ULK1: variants seen among roughly 807,000 people sequenced by gnomAD.
ULK1 encodes unc-51 like autophagy activating kinase 1.
Under a neutral mutation model 117.5 loss-of-function variants are expected in ULK1, and 48 were observed. The ratio of observed to expected loss-of-function variants is 0.41; its 90% CI spans 0.32 to 0.52. ULK1 has a LOEUF of 0.52. ULK1 is among the 20% of genes least tolerant of loss of function. ULK1 has a pLI of 0.29. For synonymous variants in ULK1, 790 were observed against 637.8 expected (o/e 1.24, Z -3.60); for missense variants, 1,387 against 1,473.4 (o/e 0.94, Z 0.96).
chr12:131,904,946 G>C (rs1314799330), intron 3 of ULK1, among the ~76,000 whole-genome samples: 1 of 152,164 alleles, frequency 6.6e-6, no homozygotes, highest in African/African-American at 2.4e-5. Context: ...CCTGTGCTCT[G>C]TGGATTGTTT....
At position 131,910,250 on chromosome 12, in the gene ULK1, G is replaced by T. The variant is rs754750757; in HGVS notation, c.809-4G>T. ...TGAGGCCTCACTCCTCCTTCCTCCT[G>T]CAGATGAGTTTTTTCATCACCCTTT... On this transcript the variant is annotated splice_polypyrimidine_tract_variant and splice_region_variant and intron_variant, in intron 10 of 27. Transcript: ENST00000321867. The T allele has an allele frequency of 2.5e-6, 4 of 1,613,556 alleles. No individual in the cohort carries two copies. Among genetic ancestry groups the T allele is most frequent in the Middle Eastern group, 1.6e-4 (1 of 6,084 alleles).
intron 25 of ULK1, 162 bp downstream of exon 25, chr12:131,919,752 G>T: frequency 9.7e-7 from 1 of 1,031,334 alleles, no homozygotes; most frequent in Non-Finnish European, 1.4e-6. Context: ...AGAGGCCATT[G>T]GGTCGGACAG....
At chr12:131,907,274 G>T (rs575196187) in intron 4 of ULK1, among the ~76,000 whole-genome samples, 1 of 152,338 alleles carries the variant, frequency 6.6e-6, no homozygotes, top group Non-Finnish European at 1.5e-5. Flanking sequence ...GCCCACCTTG[G>T]CCTCCCAAAG....
Position 131,913,226 on chromosome 12 carries a change from CA to C in ULK1, c.1128del (p.Lys376AsnfsTer7). On this transcript the variant is annotated frameshift_variant, in exon 14 of 28. Transcript: ENST00000321867. LOFTEE classifies it high-confidence loss of function. Reference sequence around the variant, plus strand: ...ACCTGGTGGCTGAGGCGCCCAGTGCCAAACCCCCGCCAGACAGCCTGATGTG... The same window carrying C: ...ACCTGGTGGCTGAGGCGCCCAGTGCCAACCCCCGCCAGACAGCCTGATGTG... ...GDLVAEAPSAKPPPDSLMCSG... is the reference protein window; with the variant it reads ...GDLVAEAPSAXPPPDSLMCSG... The C allele has an allele frequency of 6.3e-7, 1 of 1,591,782 alleles. No homozygotes were observed.
chr12:131,915,762 C>A, intron 18 of ULK1, 129 bp from the exon 19 acceptor site: 1 of 1,295,580 alleles, frequency 7.7e-7, no homozygotes, highest in Non-Finnish European at 1.1e-6. Context: ...GGGCGAGACC[C>A]CGTCTCAACA....
chr12:131,913,264 C>T lies in ULK1; in HGVS notation c.1157+6C>T. ...GACAGCCTGATGTGCAGTGGGTGAGCCCCCATCCCTTACCTCTGTATTTTA... is the reference window on the plus strand; with the variant it reads ...GACAGCCTGATGTGCAGTGGGTGAGTCCCCATCCCTTACCTCTGTATTTTA... On this transcript the variant is annotated splice_donor_region_variant and intron_variant, in intron 14 of 27. Coordinates refer to ENST00000321867, the MANE Select transcript of ULK1 (RefSeq NM_003565.4). 1 of 1,566,930 alleles carries T rather than the reference C, an allele frequency of 6.4e-7. No homozygotes were observed.
chr12:131,914,308 G>T (rs1889675634), intron 15 of ULK1, 44 bp from the exon 16 acceptor site: 1 of 1,596,408 alleles, frequency 6.3e-7, no homozygotes. Flanking sequence ...TCAGCCTCTT[G>T]TGACCCCAGT....
rs1484975114 is a variant in ULK1, at chr12:131,895,812, G to C, written c.234G>C (p.Leu78=). The change falls in exon 3 of 28, where the codon CTG becomes CTC. Residue 78 remains leucine, a synonymous_variant. Coordinates refer to ENST00000321867, the MANE Select transcript of ULK1 (RefSeq NM_003565.4). ...KELKHENIVA[L]YDFQEMANSV... ...TGAAACATGAAAACATCGTGGCCCT[G>C]TACGACTTCCAGGTAAGGCCTCTGG... 3.7e-6 allele frequency: 6 copies of C among 1,614,066 alleles called. No homozygotes were observed. The East Asian group carries it at 1.3e-4, about 36-fold the overall frequency.
intron 3 of ULK1, among the ~76,000 whole-genome samples, chr12:131,905,077 G>A (rs960909819): frequency 6.6e-6 from 1 of 152,160 alleles, no homozygotes; most frequent in African/African-American, 2.4e-5. Flanking sequence ...CTGCCTCATG[G>A]ATAGGTCCCA....
chr12:131,922,705 A>C lies in ULK1; in HGVS notation c.*1344A>C, dbSNP rs1050541630. 1 of 152,618 alleles carries C rather than the reference A, an allele frequency of 6.6e-6. No homozygotes were observed. Among genetic ancestry groups the C allele is most frequent in the African/African-American group, 2.4e-5 (1 of 41,478 alleles). The allele number at this position is 152,618 out of a possible 1,614,324, so 9.5% of individuals were successfully genotyped here. A position where few individuals can be genotyped will look rare whatever the true frequency, so the allele number is the denominator to read the frequency against. The stretch of plus-strand genomic sequence containing the variant: ...GAGGCAGTGGTGGGGCCATGGACCC[A>C]TGCGGGGGGTTCCAGGGTCACACGC... On this transcript the variant is annotated 3_prime_UTR_variant, in exon 28 of 28. Transcript: ENST00000321867.
rs755896362 is a variant in ULK1 at position 131,915,859 on chromosome 12, G to A, written c.1610-32G>A. ...GGGCCTAGGGCTGGGCCGCCGGACC[G>A]GAAGGTCGTGACGAGGCGTGTCTCT... is the stretch of plus-strand genomic sequence containing the variant. On this transcript the variant is annotated intron_variant, in intron 18 of 27. Transcript: ENST00000321867. The A allele has an allele frequency of 2.2e-5, 35 of 1,604,110 alleles. No individual in the cohort carries two copies. The East Asian group carries it at 4.2e-4, about 19-fold the overall frequency.
In ULK1 at chr12:131,909,772, C is replaced by T; in HGVS notation, c.667-3C>T. The T allele has an allele frequency of 6.2e-7, 1 of 1,604,702 alleles. No individual in the cohort carries two copies. Among genetic ancestry groups the T allele is most frequent in the South Asian group, 1.1e-5 (1 of 89,976 alleles). On this transcript the variant is annotated splice_polypyrimidine_tract_variant and splice_region_variant and intron_variant, in intron 8 of 27. Transcript: ENST00000321867. ...GGCAGTCAGGCTGTCCCCGTCCCCG[C>T]AGGCCAGCAGCCCCCAGGACCTGCG... is the stretch of plus-strand genomic sequence containing the variant.
intron 5 of ULK1, among the ~76,000 whole-genome samples, 196 bp from the exon 6 acceptor site, chr12:131,908,448 C>G (rs1229623550): frequency 1.3e-5 from 2 of 151,408 alleles, no homozygotes; most frequent in East Asian, 2.0e-4. Flanking sequence ...GCGCCGGGCT[C>G]TGCGCAGGAG....
At position 131,918,383 on chromosome 12, in the gene ULK1, G is replaced by A. The variant is rs1195136783; in HGVS notation, c.2327-114G>A. 4.6e-6 allele frequency: 6 copies of A among 1,307,370 alleles called. No homozygotes were observed. The Admixed American group carries it at 1.1e-4, about 25-fold the overall frequency. The allele number at this position is 1,307,370 out of a possible 1,614,324, so 81.0% of individuals were successfully genotyped here. The stretch of plus-strand genomic sequence containing the variant: ...GTTGGAGCATTGGGATATAACAGGT[G>A]TAAACCGAGGCAGAGGCACATTGGG... On this transcript the variant is annotated intron_variant, in intron 22 of 27. Coordinates refer to ENST00000321867, the MANE Select transcript of ULK1 (RefSeq NM_003565.4).
chr12:131,900,313 G>A (rs1889036759), intron 3 of ULK1, among the ~76,000 whole-genome samples: 1 of 152,156 alleles, frequency 6.6e-6, no homozygotes, highest in Non-Finnish European at 1.5e-5. Context: ...TGACTGTTGA[G>A]GTTGTTATTT....
chr12:131,918,579 T>G lies in ULK1; in HGVS notation c.2409T>G (p.Pro803=). Residue 803 remains proline (P), a synonymous_variant, in exon 23 of 28, where the codon CCT becomes CCG. Coordinates refer to ENST00000321867, the MANE Select transcript of ULK1 (RefSeq NM_003565.4). ...PCSEAPAPEL[P]APGHGCSFAD... is the part of the protein sequence containing the mutation. ...GCGAGGCCCCAGCCCCTGAGCTCCC[T>G]GCTCCAGGACACGGCTGCAGCTTTG... 1 of 1,610,914 alleles carries G rather than the reference T, an allele frequency of 6.2e-7. No homozygotes were observed. The highest frequency in any genetic ancestry group is 8.5e-7 in the Non-Finnish European group (1 of 1,179,006).
rs1180222470 is a variant in ULK1, at chr12:131,903,997, G to GT, written c.247-2894dup. Reference sequence around the variant, plus strand: ...GGGTTCCAGCACCCATGAGGCCAGTGTGGCTGGAGGGATGGCAGGGCCAGG... The same window carrying GT: ...GGGTTCCAGCACCCATGAGGCCAGTGTTGGCTGGAGGGATGGCAGGGCCAGG... On this transcript the variant is annotated intron_variant, in intron 3 of 27. Transcript: ENST00000321867. The surrounding 1 kb of genome is among the most constrained non-coding windows in gnomAD (Gnocchi z 6.0). Among the ~76,000 whole-genome samples, 1 of 152,102 alleles carries GT rather than the reference G, an allele frequency of 6.6e-6. No individual in the cohort carries two copies. The highest frequency in any genetic ancestry group is 6.5e-5 in the Admixed American group (1 of 15,270).
At chr12:131,906,368 T>A (rs971786707) in intron 3 of ULK1, 1 of 157,250 alleles carries the variant, frequency 6.4e-6, no homozygotes, top group Non-Finnish European at 1.4e-5. Flanking sequence ...GGATTACAGG[T>A]GTGAGCCACT....
chr12:131,906,305 G>A (rs765149661), intron 3 of ULK1, among the ~76,000 whole-genome samples: 5 of 152,132 alleles, frequency 3.3e-5, no homozygotes, highest in Non-Finnish European at 5.9e-5. Context: ...TGGTCAGGCT[G>A]GTCTCGAACT....
Sources: gnomAD v4.1 joint callset for allele counts (sites outside exome capture counted in the v4.1 genomes callset) on GRCh38, gnomAD v4.1.1 for gene constraint, Gnocchi (gnomAD v3.1) non-coding constraint, MANE v1.5 for transcripts, NCBI Gene and HGNC (gene_info 2026-07-23, HGNC 2026-07-21) for gene names.